ARSB: variants seen among roughly 807,000 people sequenced by gnomAD.
ARSB encodes the protein arylsulfatase B.
A neutral mutation model predicts 50.9 loss-of-function variants in ARSB; 41 were observed. The observed-to-expected ratio is 0.81, with a 90% CI of 0.63 to 1.04. The LOEUF (loss-of-function observed/expected upper bound fraction) is 1.04. Among genes scored for constraint, ARSB ranks in the 50% least tolerant of loss-of-function variants. ARSB has a pLI of 0.00. For synonymous variants in ARSB, 269 were observed against 284.8 expected (o/e 0.94, Z 0.56); for missense variants, 672 against 693.3 (o/e 0.97, Z 0.35).
At chr5:78,813,682 G>C (rs1295941274) in intron 6 of ARSB, among the ~76,000 whole-genome samples, 2 of 152,042 alleles carry the variant, frequency 1.3e-5, no homozygotes, top group Non-Finnish European at 2.9e-5. Context: ...ACTTGAGCCA[G>C]GGAGCTCAAG....
chr5:78,833,274 T>C (rs1451013231), intron 6 of ARSB, among the ~76,000 whole-genome samples: 1 of 152,154 alleles, frequency 6.6e-6, no homozygotes, highest in East Asian at 1.9e-4. Flanking sequence ...TCAGCTTCAA[T>C]GGTGCTATTC....
At chr5:78,815,959 T>C in intron 6 of ARSB, 7 of 1,581,718 alleles carry the variant, frequency 4.4e-6, no homozygotes, top group Non-Finnish European at 6.0e-6. Context: ...GCCAGGTTCC[T>C]AGTTCCCGCC....
chr5:78,838,272 G>A (rs1745035083), intron 6 of ARSB, among the ~76,000 whole-genome samples: 1 of 152,180 alleles, frequency 6.6e-6, no homozygotes, highest in African/African-American at 2.4e-5. Context: ...TAAGGGATGA[G>A]AGAGATTATA....
intron 3 of ARSB, 107 bp from the exon 4 acceptor site, chr5:78,955,609 C>A (rs1751690472): frequency 2.2e-6 from 2 of 900,616 alleles, no homozygotes; most frequent in Non-Finnish European, 3.6e-6. Context: ...ATCAAGACAA[C>A]CTACAGAATG....
chr5:78,956,896 C>T (rs1196700157), intron 3 of ARSB, among the ~76,000 whole-genome samples: 1 of 152,104 alleles, frequency 6.6e-6, no homozygotes, highest in Non-Finnish European at 1.5e-5. Flanking sequence ...TGAAAATAAG[C>T]CCTCATCTTT....
intron 5 of ARSB, among the ~76,000 whole-genome samples, chr5:78,873,553 T>C (rs867416482): frequency 4.7e-5 from 6 of 128,750 alleles, no homozygotes; most frequent in South Asian, 2.7e-4. Flanking sequence ...TGGAGTGCAG[T>C]GGCGGGATCT....
At chr5:78,812,548 T>A (rs1473433064) in intron 6 of ARSB, among the ~76,000 whole-genome samples, 2 of 151,544 alleles carry the variant, frequency 1.3e-5, no homozygotes, top group Admixed American at 1.3e-4. Flanking sequence ...ATATTTGTAT[T>A]ATCACATTAT....
intron 1 of ARSB, among the ~76,000 whole-genome samples, chr5:78,982,349 G>A (rs993855686): frequency 2.0e-4 from 31 of 152,014 alleles, no homozygotes; most frequent in Non-Finnish European, 3.5e-4. Flanking sequence ...TATTTTACAT[G>A]GAATATAGGC....
intron 1 of ARSB, among the ~76,000 whole-genome samples, chr5:78,970,785 C>G (rs1317037839): frequency 6.6e-6 from 1 of 152,106 alleles, no homozygotes; most frequent in Admixed American, 6.5e-5. Context: ...ATGATCTCAT[C>G]TCTACTAAAA....
chr5:78,892,036 C>A (rs1554079962), intron 4 of ARSB, among the ~76,000 whole-genome samples: 1 of 151,992 alleles, frequency 6.6e-6, no homozygotes, highest in Non-Finnish European at 1.5e-5. Flanking sequence ...TAATATTGTG[C>A]CTGGCATAGA....
At chr5:78,871,719 G>GAAA (rs1049553785) in intron 5 of ARSB, among the ~76,000 whole-genome samples, 3 of 137,600 alleles carry the variant, frequency 2.2e-5, no homozygotes, top group African/African-American at 7.8e-5. Flanking sequence ...AACCCTAGAA[G>GAAA]AAAACCTAGG....
At chr5:78,897,156 T>G (rs1460835146) in intron 4 of ARSB, among the ~76,000 whole-genome samples, 1 of 152,194 alleles carries the variant, frequency 6.6e-6, no homozygotes, top group Non-Finnish European at 1.5e-5. Flanking sequence ...GTGTAAAACA[T>G]AGAGACTAGA....
chr5:78,979,130 T>C (rs564998977), intron 1 of ARSB, among the ~76,000 whole-genome samples: 3 of 152,156 alleles, frequency 2.0e-5, no homozygotes, highest in Non-Finnish European at 4.4e-5. Context: ...ATCTTACAAC[T>C]CAAGAATGAG....
At position 78,981,887 on chromosome 5, in the gene ARSB, A is replaced by G. The variant is rs190747967; in HGVS notation, c.312+3050T>C. Among the ~76,000 whole-genome samples, 7 of 151,682 alleles carry G rather than the reference A, an allele frequency of 4.6e-5. No homozygotes were observed. In the East Asian group the frequency reaches 1.4e-3, roughly 29 times the overall value. On this transcript the variant is annotated intron_variant, in intron 1 of 7. Transcript: ENST00000264914. Reference sequence around the variant, plus strand: ...GGGTCTGTAAATATTAACTTAAAGCATGACTGCCAAGTTCATAGATATGAC... The same window carrying G: ...GGGTCTGTAAATATTAACTTAAAGCGTGACTGCCAAGTTCATAGATATGAC...
At chr5:78,862,549 T>A (rs371702016) in intron 5 of ARSB, among the ~76,000 whole-genome samples, 19,306 of 152,200 alleles carry the variant, frequency 0.13, 1,420 homozygotes, top group Middle Eastern at 0.21. Context: ...GCTAGCCATA[T>A]GTAGAAAGCT....
intron 4 of ARSB, among the ~76,000 whole-genome samples, chr5:78,898,495 G>A (rs942785924): frequency 1.3e-5 from 2 of 152,106 alleles, no homozygotes; most frequent in African/African-American, 4.8e-5. Context: ...ATGAACACAG[G>A]TGTAAAAATC....
intron 4 of ARSB, among the ~76,000 whole-genome samples, chr5:78,898,168 G>A (rs571040102): frequency 1.6e-4 from 24 of 152,104 alleles, no homozygotes; most frequent in African/African-American, 5.3e-4. Context: ...CTCAGGAGGC[G>A]GAGGCAGGAG....
chr5:78,934,391 T>C (rs1750489884), intron 4 of ARSB, among the ~76,000 whole-genome samples: 1 of 152,202 alleles, frequency 6.6e-6, no homozygotes, highest in African/African-American at 2.4e-5. Context: ...AGTATAGCTG[T>C]TTAGTATAAT....
intron 4 of ARSB, among the ~76,000 whole-genome samples, chr5:78,943,701 G>A (rs997047913): frequency 6.6e-6 from 1 of 152,172 alleles, no homozygotes; most frequent in African/African-American, 2.4e-5. Context: ...CTCTCTGGCT[G>A]CCGTTAACAT....
Sources: gnomAD v4.1 joint callset for allele counts (sites outside exome capture counted in the v4.1 genomes callset) on GRCh38, gnomAD v4.1.1 for gene constraint, MANE v1.5 for transcripts, NCBI Gene and HGNC (gene_info 2026-07-23, HGNC 2026-07-21) for gene names.